The following ASCC3 variants were observed in gnomAD, a reference collection of about 807,000 sequenced individuals.
The protein encoded by ASCC3 is activating signal cointegrator 1 complex subunit 3.
ASCC3 carries 158 observed loss-of-function variants against 256.3 expected under a neutral mutation model. That is an observed-to-expected ratio of 0.62 (90% CI 0.54 to 0.70). ASCC3 has a LOEUF of 0.70. Among genes scored for constraint, ASCC3 ranks in the 30% least tolerant of loss-of-function variants. ASCC3 has a pLI of 0.00. For missense variants in ASCC3, 2,259 were observed against 2,626.0 expected (o/e 0.86, Z 3.05); for synonymous variants, 948 against 883.4 (o/e 1.07, Z -1.30).
At chr6:100,739,366 A>G (rs1046064236) in intron 10 of ASCC3, among the ~76,000 whole-genome samples, 1 of 152,154 alleles carries the variant, frequency 6.6e-6, no homozygotes, top group Admixed American at 6.5e-5. Context: ...GGATTTTTGC[A>G]CCGAAGCTCA....
Position 100,732,085 on chromosome 6 carries a change from C to T in ASCC3, c.1738-6382G>A, listed in dbSNP as rs144296859. ...CTGAGGCAGGAGAATCACTTGAACC[C>T]GGGAGGCGGGGGTTGCAGTGAGTGG... On this transcript the variant is annotated intron_variant, in intron 10 of 41. Transcript: ENST00000369162. Among the ~76,000 whole-genome samples the T allele has an allele frequency of 0.013, 1,929 of 148,582 alleles. 100 individuals carry two copies. In the East Asian group the frequency reaches 0.15, roughly 12 times the overall value.
At chr6:100,710,743 T>A (rs1180702231) in intron 13 of ASCC3, among the ~76,000 whole-genome samples, 1 of 152,182 alleles carries the variant, frequency 6.6e-6, no homozygotes, top group African/African-American at 2.4e-5. Flanking sequence ...AAATAGAAGA[T>A]ATAACTGCTA....
intron 36 of ASCC3, among the ~76,000 whole-genome samples, chr6:100,549,619 C>T (rs1769189039): frequency 6.6e-6 from 1 of 151,816 alleles, no homozygotes; most frequent in Non-Finnish European, 1.5e-5. Context: ...CCTGTTTAAG[C>T]TCCATCAAAG....
intron 4 of ASCC3, among the ~76,000 whole-genome samples, chr6:100,842,052 T>G (rs867786445): frequency 2.0e-5 from 3 of 152,290 alleles, no homozygotes; most frequent in Middle Eastern, 6.8e-3. Context: ...CTTCTGATTA[T>G]TTGATGAAAA....
intron 4 of ASCC3, among the ~76,000 whole-genome samples, chr6:100,834,272 G>A (rs1277861536): frequency 1.3e-5 from 2 of 152,116 alleles, no homozygotes; most frequent in Admixed American, 6.5e-5. Context: ...CAATAAAAAT[G>A]CTTAGAATAT....
At chr6:100,681,339 T>C (rs1777291077) in intron 13 of ASCC3, among the ~76,000 whole-genome samples, 1 of 152,148 alleles carries the variant, frequency 6.6e-6, no homozygotes, top group Non-Finnish European at 1.5e-5. Flanking sequence ...ATCAGCTAAT[T>C]AGTTACCAAG....
intron 10 of ASCC3, among the ~76,000 whole-genome samples, chr6:100,764,865 A>C (rs1310777184): frequency 6.6e-6 from 1 of 152,146 alleles, no homozygotes; most frequent in Non-Finnish European, 1.5e-5. Context: ...CATTCAGCCC[A>C]TATGTGTGAC....
At chr6:100,827,036 A>C (rs1442209012) in intron 4 of ASCC3, among the ~76,000 whole-genome samples, 1 of 152,238 alleles carries the variant, frequency 6.6e-6, no homozygotes, top group Non-Finnish European at 1.5e-5. Flanking sequence ...TACAGAATAC[A>C]TCAATCATCA....
At chr6:100,620,318 A>C (rs1773885049) in intron 30 of ASCC3, among the ~76,000 whole-genome samples, 1 of 152,160 alleles carries the variant, frequency 6.6e-6, no homozygotes, top group Admixed American at 6.6e-5. Flanking sequence ...CCACTGCAAT[A>C]AGGATTCCTA....
intron 13 of ASCC3, among the ~76,000 whole-genome samples, chr6:100,714,661 A>G (rs535654618): frequency 2.1e-3 from 262 of 121,898 alleles, no homozygotes; most frequent in Non-Finnish European, 4.2e-3. Flanking sequence ...TCTTGCTAGT[A>G]TACAACTTAA....
At chr6:100,563,974 T>C (rs1770091363) in intron 36 of ASCC3, among the ~76,000 whole-genome samples, 1 of 152,060 alleles carries the variant, frequency 6.6e-6, no homozygotes, top group Non-Finnish European at 1.5e-5. Context: ...GTTAAGTGAC[T>C]AGTCCAAGGT....
intron 8 of ASCC3, among the ~76,000 whole-genome samples, chr6:100,794,930 T>C (rs1769533136): frequency 6.6e-6 from 1 of 152,034 alleles, no homozygotes; most frequent in Non-Finnish European, 1.5e-5. Context: ...ATCAAAGACA[T>C]GGTTCTGTCT....
chr6:100,803,490 T>C (rs1376844160), intron 5 of ASCC3, among the ~76,000 whole-genome samples: 1 of 152,146 alleles, frequency 6.6e-6, no homozygotes, highest in East Asian at 1.9e-4. Flanking sequence ...CCTCCAGCCA[T>C]GTGGAACTGT....
At chr6:100,852,210 G>A (rs1229623496) in intron 3 of ASCC3, among the ~76,000 whole-genome samples, 1 of 152,166 alleles carries the variant, frequency 6.6e-6, no homozygotes, top group Non-Finnish European at 1.5e-5. Context: ...AGAAAACGAT[G>A]CAGTCAGTTG....
At chr6:100,667,433 T>C (rs1179577686) in intron 14 of ASCC3, among the ~76,000 whole-genome samples, 5 of 152,060 alleles carry the variant, frequency 3.3e-5, no homozygotes, top group South Asian at 4.1e-4. Context: ...GTCTTGAACA[T>C]AGGTGGAAAA....
At chr6:100,816,454 C>T (rs950309217) in intron 4 of ASCC3, among the ~76,000 whole-genome samples, 3 of 152,096 alleles carry the variant, frequency 2.0e-5, no homozygotes, top group Non-Finnish European at 4.4e-5. Context: ...AAGACACATG[C>T]ACACATATGC....
intron 4 of ASCC3, chr6:100,847,918 C>G (rs1772459343): frequency 2.6e-6 from 1 of 384,422 alleles, no homozygotes; most frequent in African/African-American, 2.1e-5. Context: ...ATGTGGACAC[C>G]CAACTATTGT....
At chr6:100,767,432 G>GT (rs1449041357) in intron 8 of ASCC3, 87 bp from the exon 9 acceptor site, 9 of 1,363,674 alleles carry the variant, frequency 6.6e-6, no homozygotes, top group African/African-American at 4.3e-5. Context: ...TATTTCCTTT[G>GT]TTTTTTAAAA....
intron 10 of ASCC3, among the ~76,000 whole-genome samples, chr6:100,751,319 G>GA (rs941736542): frequency 6.6e-6 from 1 of 151,628 alleles, no homozygotes; most frequent in African/African-American, 2.4e-5. Flanking sequence ...CAAGTCTTTG[G>GA]AAAAAACACA....
Sources: allele counts gnomAD v4.1 joint callset (sites outside exome capture counted in the v4.1 genomes callset), GRCh38; gene constraint gnomAD v4.1.1; transcripts MANE v1.5; gene names NCBI Gene and HGNC (gene_info 2026-07-23, HGNC 2026-07-21).